Variants in PRR16 observed in about 807,000 individuals in gnomAD.
PRR16 encodes protein Largen.
Under a neutral mutation model 18.2 loss-of-function variants are expected in PRR16, and 6 were observed. The observed-to-expected ratio is 0.33, with a 90% CI of 0.18 to 0.65. The LOEUF (loss-of-function observed/expected upper bound fraction) is 0.65. Among genes scored for constraint, PRR16 ranks in the 30% least tolerant of loss-of-function variants. The probability of loss-of-function intolerance (pLI) is 0.74; values close to 1 mark genes in which losing one functional copy is unlikely to be tolerated. For missense variants in PRR16, 412 were observed against 376.6 expected (o/e 1.09, Z -0.78); for synonymous variants, 151 against 147.8 (o/e 1.02, Z -0.16).
the PRR16 span, among the ~76,000 whole-genome samples, chr5:120,720,947 T>A: frequency 1.3e-5 from 2 of 152,052 alleles, no homozygotes; most frequent in Non-Finnish European, 2.9e-5. Context: ...ACTATGGTAA[T>A]CTTTCAATGG....
downstream of PRR16, among the ~76,000 whole-genome samples, chr5:120,690,878 C>A (rs912241404): frequency 6.6e-6 from 1 of 151,758 alleles, no homozygotes; most frequent in Non-Finnish European, 1.5e-5. Context: ...GAAAAAAAAA[C>A]CTGAAGTGTA....
At chr5:120,673,197 A>G (rs533951913) in intron 1 of PRR16, among the ~76,000 whole-genome samples, 1 of 152,274 alleles carries the variant, frequency 6.6e-6, no homozygotes, top group Non-Finnish European at 1.5e-5. Flanking sequence ...ACATTTAACT[A>G]TATGGAACTA....
intron 1 of PRR16, among the ~76,000 whole-genome samples, chr5:120,518,394 G>A (rs908031605): frequency 2.6e-5 from 4 of 151,986 alleles, no homozygotes; most frequent in African/African-American, 9.7e-5. Context: ...CCTTGAGAGG[G>A]AATTCTTTGT....
chr5:120,605,016 A>T (rs1439255675), intron 1 of PRR16, among the ~76,000 whole-genome samples: 2 of 152,140 alleles, frequency 1.3e-5, no homozygotes, highest in Admixed American at 6.5e-5. Context: ...GACTATATGC[A>T]TTGGAATGGT....
chr5:120,763,483 G>C, the PRR16 span, among the ~76,000 whole-genome samples: 40,994 of 151,986 alleles, frequency 0.27, 5,896 homozygotes, highest in Non-Finnish European at 0.32. Context: ...TCCAAGGTAA[G>C]GTAATGTGAT....
the PRR16 span, among the ~76,000 whole-genome samples, chr5:120,772,646 T>C: frequency 6.6e-6 from 1 of 152,082 alleles, no homozygotes; most frequent in African/African-American, 2.4e-5. Flanking sequence ...TAAGATGATT[T>C]AGCTTGATGG....
At chr5:120,753,973 TATA>T in the PRR16 span, among the ~76,000 whole-genome samples, 2 of 111,142 alleles carry the variant, frequency 1.8e-5, no homozygotes, top group Non-Finnish European at 1.9e-5. Flanking sequence ...ATATATGTTA[TATA>T]ATATAATATA....
At chr5:120,749,212 G>A in the PRR16 span, among the ~76,000 whole-genome samples, 1 of 151,868 alleles carries the variant, frequency 6.6e-6, no homozygotes, top group Non-Finnish European at 1.5e-5. Context: ...AAAATTTTAT[G>A]ATATATTTTA....
At chr5:120,477,330 CA>C (rs148095102) in intron 1 of PRR16, among the ~76,000 whole-genome samples, 10,509 of 152,128 alleles carry the variant, frequency 0.069, 841 homozygotes, top group African/African-American at 0.2. Flanking sequence ...CCCCCTCCCA[CA>C]AAAACCTAAT....
intron 1 of PRR16, among the ~76,000 whole-genome samples, chr5:120,609,412 A>G (rs1754263085): frequency 6.6e-6 from 1 of 152,064 alleles, no homozygotes; most frequent in Non-Finnish European, 1.5e-5. Flanking sequence ...TTTCTAAAAA[A>G]AAAATTTTTA....
At chr5:120,607,534 G>T (rs1050266802) in intron 1 of PRR16, among the ~76,000 whole-genome samples, 4 of 152,142 alleles carry the variant, frequency 2.6e-5, no homozygotes, top group Non-Finnish European at 4.4e-5. Flanking sequence ...CTGTGAATAT[G>T]GATGCTGCAG....
At chr5:120,782,953 T>TGTCA in the PRR16 span, among the ~76,000 whole-genome samples, 1 of 152,286 alleles carries the variant, frequency 6.6e-6, no homozygotes, top group African/African-American at 2.4e-5. Flanking sequence ...AGTTGTTGCT[T>TGTCA]GTCAGGCAGA....
At chr5:120,664,708 T>C (rs574761628) in intron 1 of PRR16, among the ~76,000 whole-genome samples, 1 of 151,874 alleles carries the variant, frequency 6.6e-6, no homozygotes, top group Non-Finnish European at 1.5e-5. Context: ...ACATGCAGTG[T>C]TTGGTTTTTT....
In PRR16 at chr5:120,686,334, C is replaced by T. The variant is rs772169963; in HGVS notation, c.540C>T (p.Asp180=). The change falls in exon 2 of 2, where the codon GAC becomes GAT. Residue 180 remains aspartate (D), a synonymous_variant. Coordinates refer to ENST00000407149, the MANE Select transcript of PRR16 (RefSeq NM_001300783.2). ...DICCIPNSNL[D]KAPVQLLMHR... Reference sequence around the variant, plus strand: ...GCTGCATACCCAACAGTAACTTGGACAAGGCTCCAGTCCAGCTTCTGATGC... The same window carrying T: ...GCTGCATACCCAACAGTAACTTGGATAAGGCTCCAGTCCAGCTTCTGATGC... 1.2e-6 allele frequency: 2 copies of T among 1,614,162 alleles called. No individual in the cohort carries two copies. The highest frequency in any genetic ancestry group is 1.1e-5 in the South Asian group (1 of 91,082).
chr5:120,703,588 T>C, the PRR16 span, among the ~76,000 whole-genome samples: 2 of 152,244 alleles, frequency 1.3e-5, no homozygotes, highest in Non-Finnish European at 2.9e-5. Flanking sequence ...ATTCATAGAA[T>C]GAACAATCAG....
intron 1 of PRR16, among the ~76,000 whole-genome samples, chr5:120,638,707 C>T (rs1021087149): frequency 2.0e-5 from 3 of 152,080 alleles, no homozygotes; most frequent in Admixed American, 1.3e-4. Context: ...CAAACACACA[C>T]AATACACATG....
the PRR16 span, among the ~76,000 whole-genome samples, chr5:120,703,811 T>C: frequency 6.6e-6 from 1 of 152,232 alleles, no homozygotes; most frequent in Non-Finnish European, 1.5e-5. Flanking sequence ...TTAGTCCTCA[T>C]AGATTTCCTA....
chr5:120,584,361 C>T (rs1753370189), intron 1 of PRR16, among the ~76,000 whole-genome samples: 1 of 152,070 alleles, frequency 6.6e-6, no homozygotes, highest in South Asian at 2.1e-4. Flanking sequence ...TGGAAAGAAT[C>T]TTAGAGGGCA....
intron 1 of PRR16, among the ~76,000 whole-genome samples, chr5:120,513,844 C>T (rs572056010): frequency 3.3e-5 from 5 of 151,710 alleles, no homozygotes; most frequent in Non-Finnish European, 4.4e-5. Flanking sequence ...TTGCAACCTC[C>T]GCCTCCTGGG....
Sources: allele counts gnomAD v4.1 joint callset (sites outside exome capture counted in the v4.1 genomes callset), GRCh38; gene constraint gnomAD v4.1.1; transcripts MANE v1.5; gene names NCBI Gene and HGNC (gene_info 2026-07-23, HGNC 2026-07-21).